BSCL2: variants seen among roughly 807,000 people sequenced by gnomAD.
The protein encoded by BSCL2 is BSCL2 lipid droplet biogenesis associated, seipin.
BSCL2 carries 41 observed loss-of-function variants against 57.4 expected under a neutral mutation model. The observed-to-expected ratio is 0.71, with a 90% CI of 0.56 to 0.93. The LOEUF (loss-of-function observed/expected upper bound fraction) is 0.93. Among genes scored for constraint, BSCL2 ranks in the 40% least tolerant of loss-of-function variants. BSCL2 has a pLI of 0.00. For synonymous variants in BSCL2, 237 were observed against 227.3 expected (o/e 1.04, Z -0.38); for missense variants, 539 against 586.7 (o/e 0.92, Z 0.84).
intron 2 of BSCL2, among the ~76,000 whole-genome samples, chr11:62,703,955 A>C (rs1945730893): frequency 6.7e-6 from 1 of 148,464 alleles, no homozygotes; most frequent in Non-Finnish European, 1.5e-5. Context: ...CATCTCTACT[A>C]AAAATACAAA....
chr11:62,691,339 A>G lies in BSCL2; in HGVS notation c.946T>C (p.Phe316Leu). 1 of 1,614,208 alleles carries G rather than the reference A, an allele frequency of 6.2e-7. No homozygotes were observed. Among genetic ancestry groups the G allele is most frequent in the Non-Finnish European group, 8.5e-7 (1 of 1,180,032 alleles). Residue 316 changes from phenylalanine to leucine, a missense_variant, in exon 7 of 11, where the codon TTC becomes CTC. Physicochemically the swap from Phe to Leu is conservative, Grantham distance 22 (BLOSUM62 0). This residue lies in a region of BSCL2 where 248 missense variants were observed against 239.9 expected (regional missense o/e 1.03). Transcript: ENST00000360796. ...NFTFLSVIVL[F>L]SYMQWVWGGI... ...CCCCACACCCACTGCATGTAGCTGA[A>G]GAGCACGATGACGCTGAGGAAGGTG...
intron 3 of BSCL2, among the ~76,000 whole-genome samples, chr11:62,700,195 C>T (rs1039679969): frequency 2.0e-5 from 3 of 151,028 alleles, no homozygotes; most frequent in Non-Finnish European, 2.9e-5. Flanking sequence ...GAGCCGTGAT[C>T]GTATCACTGC....
chr11:62,691,415 C>G lies in BSCL2; in HGVS notation c.870G>C (p.Leu290=), dbSNP rs767104988. The change falls in exon 7 of 11, where the codon CTG becomes CTC. Residue 290 remains leucine (L), a synonymous_variant. Transcript: ENST00000360796. ...IHAHFTGLRY[L]LYNFPMTCAF... is the part of the protein sequence containing the mutation. ...CGCAGGTCATCGGGAAGTTGTATAG[C>G]AGGTATCTGAGGCAGGAAGTAGGGA... is the stretch of plus-strand genomic sequence containing the variant. The G allele has an allele frequency of 2.1e-5, 34 of 1,614,034 alleles. No individual in the cohort carries two copies. Among genetic ancestry groups the G allele is most frequent in the Non-Finnish European group, 2.7e-5 (32 of 1,180,010 alleles).
At position 62,704,369 on chromosome 11, in the gene BSCL2, T is replaced by TAA. The variant is rs71056549; in HGVS notation, c.404+930_404+931dup. Among the ~76,000 whole-genome samples, 744 of 81,722 alleles carry TAA rather than the reference T, an allele frequency of 9.1e-3. 6 individuals are homozygous for TAA. The highest frequency in any genetic ancestry group is 0.025 in the African/African-American group (487 of 19,102). 53.6% of individuals were successfully genotyped at this position (81,722 alleles called of 152,430 possible). On this transcript the variant is annotated intron_variant, in intron 2 of 10. Transcript: ENST00000360796. ...TAACAAGGTGAAACCCCATCTCTAC[T>TAA]AAAAAAAAAAAAAAAAAAAAAAAAA...
chr11:62,706,238 G>A (rs1287358951), intron 1 of BSCL2: 4 of 1,076,296 alleles, frequency 3.7e-6, no homozygotes, highest in Non-Finnish European at 4.6e-6. Flanking sequence ...CCCGCCGGCT[G>A]CCACAGGGCT....
chr11:62,695,398 G>A (rs2134705150), intron 3 of BSCL2, among the ~76,000 whole-genome samples: 1 of 150,982 alleles, frequency 6.6e-6, no homozygotes, highest in South Asian at 2.1e-4. Context: ...TTAATTAGAG[G>A]TAATGGGTTA....
intron 1 of BSCL2, chr11:62,706,246 G>T: frequency 9.1e-7 from 1 of 1,095,916 alleles, no homozygotes; most frequent in Non-Finnish European, 1.1e-6. Flanking sequence ...CTGCCACAGG[G>T]CTGCCGACTC....
chr11:62,701,079 TC>T (rs11306421), intron 3 of BSCL2, among the ~76,000 whole-genome samples: 108,352 of 151,992 alleles, frequency 0.71, 39,550 homozygotes, highest in Admixed American at 0.81. Context: ...ATCTGGCCAG[TC>T]CTCTGGCACA....
chr11:62,696,028 C>G (rs1334105153), intron 3 of BSCL2, among the ~76,000 whole-genome samples: 2 of 151,958 alleles, frequency 1.3e-5, no homozygotes, highest in East Asian at 1.9e-4. Flanking sequence ...CAAAAATTAG[C>G]CGGGCGTGGT....
chr11:62,697,122 C>G (rs7107423), intron 3 of BSCL2, among the ~76,000 whole-genome samples: 2 of 151,900 alleles, frequency 1.3e-5, no homozygotes, highest in African/African-American at 2.4e-5. Context: ...CGGCCGGGCG[C>G]GGTGGCTCAT....
intron 6 of BSCL2, among the ~76,000 whole-genome samples, 168 bp downstream of exon 6, chr11:62,692,208 C>T (rs1945329865): frequency 6.6e-6 from 1 of 152,112 alleles, no homozygotes; most frequent in South Asian, 2.1e-4. Context: ...GATAAAAGTT[C>T]CCCAGGGAGC....
At chr11:62,703,387 T>C (rs1173941353) in intron 2 of BSCL2, among the ~76,000 whole-genome samples, 6 of 143,106 alleles carry the variant, frequency 4.2e-5, no homozygotes, top group Admixed American at 3.6e-4. Context: ...AGTCTTGCTC[T>C]GTCGCCCAGG....
At chr11:62,700,952 CAA>C (rs11306420) in intron 3 of BSCL2, among the ~76,000 whole-genome samples, 184 of 144,672 alleles carry the variant, frequency 1.3e-3, no homozygotes, top group Non-Finnish European at 1.2e-3. Context: ...GACTCTGTCT[CAA>C]AAAAAAAAAA....
upstream of BSCL2, chr11:62,708,885 C>CA: frequency 9.3e-7 from 1 of 1,080,678 alleles, no homozygotes; most frequent in Admixed American, 1.9e-5. Context: ...TTGTGAGCCC[C>CA]TTAGGCTCCT....
intron 3 of BSCL2, among the ~76,000 whole-genome samples, chr11:62,698,362 C>A (rs1271203875): frequency 2.6e-5 from 4 of 151,766 alleles, no homozygotes. Flanking sequence ...CCACGCCTGG[C>A]TAATTTTTGC....
At chr11:62,708,996 C>T (rs2058238070), upstream of BSCL2, 1 of 591,032 alleles carries the variant, frequency 1.7e-6, no homozygotes, top group Non-Finnish European at 3.0e-6. Flanking sequence ...ACCTTTGTGG[C>T]CGACCCCAAG....
chr11:62,707,338 G>A lies in BSCL2; in HGVS notation c.-143C>T. 1.3e-6 allele frequency: 1 copy of A among 778,080 alleles called. No homozygotes were observed. Among genetic ancestry groups the A allele is most frequent in the Non-Finnish European group, 2.2e-6 (1 of 450,078 alleles). 48.2% of individuals were successfully genotyped at this position (778,080 alleles called of 1,614,324 possible). A position where few individuals can be genotyped will look rare whatever the true frequency, so the allele number is the denominator to read the frequency against. On this transcript the variant is annotated 5_prime_UTR_variant, in exon 1 of 11. Coordinates refer to ENST00000360796, the MANE Select transcript of BSCL2 (RefSeq NM_001122955.4). ...AATGGAGGGTCCCTGGGAGAGAAAC[G>A]AAGATTCAGGTGCTAAGTGCTGTGT...
chr11:62,691,875 C>A (rs891027600), intron 6 of BSCL2, among the ~76,000 whole-genome samples: 1 of 151,920 alleles, frequency 6.6e-6, no homozygotes, highest in Non-Finnish European at 1.5e-5. Context: ...ACGGTGAAAC[C>A]CCATCTCTAC....
intron 1 of BSCL2, chr11:62,706,719 G>A (rs188002937): frequency 2.5e-4 from 121 of 493,330 alleles, no homozygotes; most frequent in African/African-American, 2.2e-3. Flanking sequence ...CATCTAAGGC[G>A]GGGGCATTCG....
Sources: allele counts gnomAD v4.1 joint callset (sites outside exome capture counted in the v4.1 genomes callset), GRCh38; gene constraint gnomAD v4.1.1; regional missense constraint gnomAD v4.1.1; transcripts MANE v1.5; gene names NCBI Gene and HGNC (gene_info 2026-07-23, HGNC 2026-07-21).